KLF12: variants seen among roughly 807,000 people sequenced by gnomAD.
KLF12 encodes KLF transcription factor 12.
In KLF12, 9 loss-of-function variants were observed where a neutral mutation model predicts 37.8. That is an observed-to-expected ratio of 0.24 (90% CI 0.14 to 0.42). The LOEUF is 0.42. Among genes scored for constraint, KLF12 ranks in the 10% least tolerant of loss-of-function variants. The pLI is 1.00. For synonymous variants in KLF12, 208 were observed against 202.1 expected (o/e 1.03, Z -0.25); for missense variants, 411 against 516.0 (o/e 0.80, Z 1.97).
the KLF12 span, among the ~76,000 whole-genome samples, chr13:74,150,159 G>A: frequency 4.0e-5 from 6 of 151,858 alleles, no homozygotes; most frequent in East Asian, 3.9e-4. Flanking sequence ...ATGTATTCAC[G>A]TTGCCTAGTA....
intron 3 of KLF12, among the ~76,000 whole-genome samples, chr13:73,922,516 G>T (rs1404050020): frequency 6.6e-6 from 1 of 152,106 alleles, no homozygotes; most frequent in Non-Finnish European, 1.5e-5. Context: ...TATACAATTT[G>T]TTTATTAATT....
chr13:73,862,306 T>C (rs1328823303), intron 3 of KLF12, among the ~76,000 whole-genome samples: 1 of 152,216 alleles, frequency 6.6e-6, no homozygotes, highest in Non-Finnish European at 1.5e-5. Flanking sequence ...GTGTATTGTT[T>C]ATTCCTCACA....
chr13:73,847,885 C>A (rs1447545706), intron 3 of KLF12, among the ~76,000 whole-genome samples: 1 of 152,136 alleles, frequency 6.6e-6, no homozygotes, highest in South Asian at 2.1e-4. Context: ...ATTATCTACT[C>A]TTGTAACTAG....
At chr13:74,071,529 A>C (rs2138703573) in intron 1 of KLF12, among the ~76,000 whole-genome samples, 1 of 151,708 alleles carries the variant, frequency 6.6e-6, no homozygotes, top group East Asian at 1.9e-4. Flanking sequence ...TACTAAAAAA[A>C]AAAATACAAA....
chr13:73,842,947 A>G (rs1884818187), intron 4 of KLF12, among the ~76,000 whole-genome samples: 1 of 152,214 alleles, frequency 6.6e-6, no homozygotes, highest in Non-Finnish European at 1.5e-5. Flanking sequence ...CTAATTAATC[A>G]GTTAAGCAAT....
chr13:74,068,132 T>C (rs1862745685), intron 1 of KLF12, among the ~76,000 whole-genome samples: 1 of 152,184 alleles, frequency 6.6e-6, no homozygotes, highest in South Asian at 2.1e-4. Flanking sequence ...TATCCTAAAC[T>C]TGTTTATGCA....
intron 5 of KLF12, among the ~76,000 whole-genome samples, chr13:73,797,326 C>T (rs1450033744): frequency 6.6e-6 from 1 of 152,158 alleles, no homozygotes; most frequent in African/African-American, 2.4e-5. Flanking sequence ...CCTCTCTTAG[C>T]TACATTATTC....
the KLF12 span, among the ~76,000 whole-genome samples, chr13:74,228,021 G>C: frequency 1.3e-5 from 2 of 152,080 alleles, no homozygotes; most frequent in Non-Finnish European, 2.9e-5. Context: ...CCTTTTTCTT[G>C]TGTTTGGGAG....
In KLF12 at chr13:73,908,199, G is replaced by A. The variant is rs531971252; in HGVS notation, c.123+35782C>T. ...GGGTGGATCACGAGTTCAGGAGATC[G>A]AGACCATCCTGGCTAACACGGTGAA... On this transcript the variant is annotated intron_variant, in intron 3 of 7. Transcript: ENST00000377669. Among the ~76,000 whole-genome samples, 91 of 151,968 alleles carry A rather than the reference G, an allele frequency of 6.0e-4. No individual in the cohort carries two copies. In the South Asian group the frequency reaches 9.6e-3, roughly 16 times the overall value.
chr13:74,281,151 T>C, the KLF12 span, among the ~76,000 whole-genome samples: 1 of 152,178 alleles, frequency 6.6e-6, no homozygotes, highest in East Asian at 1.9e-4. Context: ...GAATGATTTT[T>C]AAAACTCTCT....
intron 1 of KLF12, among the ~76,000 whole-genome samples, chr13:74,057,358 C>G (rs1040560991): frequency 6.6e-6 from 1 of 152,186 alleles, no homozygotes; most frequent in Admixed American, 6.5e-5. Context: ...TCCACCCCAT[C>G]CCCAGGGACC....
the KLF12 span, among the ~76,000 whole-genome samples, chr13:74,261,289 G>A: frequency 2.0e-5 from 3 of 152,060 alleles, no homozygotes; most frequent in African/African-American, 7.2e-5. Context: ...TAGAGAATAA[G>A]CGGAATAGAA....
chr13:73,992,827 T>C (rs1282777909), intron 2 of KLF12, among the ~76,000 whole-genome samples: 4 of 152,246 alleles, frequency 2.6e-5, no homozygotes, highest in Non-Finnish European at 5.9e-5. Context: ...AATCAGACTT[T>C]GTTAAAACTA....
At chr13:73,911,674 G>A (rs1451316321) in intron 3 of KLF12, among the ~76,000 whole-genome samples, 1 of 152,196 alleles carries the variant, frequency 6.6e-6, no homozygotes, top group East Asian at 1.9e-4. Flanking sequence ...AAGAATTACA[G>A]ATTTTTGAAG....
the KLF12 span, among the ~76,000 whole-genome samples, chr13:74,276,996 C>T: frequency 1.3e-5 from 2 of 152,166 alleles, no homozygotes; most frequent in Admixed American, 6.5e-5. Context: ...ACGGCAGTGC[C>T]CTTGATGGGC....
intron 3 of KLF12, among the ~76,000 whole-genome samples, chr13:73,894,729 G>T (rs1476238532): frequency 6.6e-6 from 1 of 152,064 alleles, no homozygotes; most frequent in African/African-American, 2.4e-5. Context: ...ATTGTGCTAG[G>T]AGGTTGTTGG....
chr13:74,300,587 T>G, the KLF12 span, among the ~76,000 whole-genome samples: 43 of 152,236 alleles, frequency 2.8e-4, no homozygotes, highest in African/African-American at 9.9e-4. Context: ...TGCCACTGCT[T>G]CCTAAATAGA....
At chr13:74,123,608 G>C (rs1045664712) in intron 1 of KLF12, among the ~76,000 whole-genome samples, 5 of 152,126 alleles carry the variant, frequency 3.3e-5, no homozygotes, top group African/African-American at 1.2e-4. Context: ...CTCTATTCCA[G>C]GGTCAACGGG....
chr13:74,081,187 T>A (rs1267773807), intron 1 of KLF12, among the ~76,000 whole-genome samples: 2 of 152,184 alleles, frequency 1.3e-5, no homozygotes, highest in African/African-American at 4.8e-5. Context: ...AACTGCCAGG[T>A]GATCTTAAGC....
Sources: gnomAD v4.1 joint callset for allele counts (sites outside exome capture counted in the v4.1 genomes callset) on GRCh38, gnomAD v4.1.1 for gene constraint, MANE v1.5 for transcripts, NCBI Gene and HGNC (gene_info 2026-07-23, HGNC 2026-07-21) for gene names.